Variants in STARD10 observed in about 807,000 individuals in gnomAD.
STARD10 encodes StAR related lipid transfer domain containing 10.
STARD10 carries 24 observed loss-of-function variants against 36.0 expected under a neutral mutation model. The observed-to-expected ratio is 0.67, with a 90% CI of 0.48 to 0.94. The LOEUF (loss-of-function observed/expected upper bound fraction) is 0.94, where lower values mean the gene tolerates loss of function less well. Ranked by LOEUF, STARD10 falls within the 40% of genes least tolerant of loss-of-function variation. The probability of loss-of-function intolerance (pLI) is 0.00; values close to 1 mark genes in which losing one functional copy is unlikely to be tolerated. For missense variants in STARD10, 335 were observed against 396.6 expected, an observed-to-expected ratio of 0.84 and a Z score of 1.32; for synonymous variants, 156 against 161.9, an observed-to-expected ratio of 0.96 and a Z score of 0.28.
intron 2 of STARD10, among the ~76,000 whole-genome samples, chr11:72,775,809 A>G (rs1400003227): frequency 6.6e-6 from 1 of 152,130 alleles, no homozygotes; most frequent in Non-Finnish European, 1.5e-5. Context: ...TGAATGAATG[A>G]AGTCTCTGAA....
chr11:72,759,466 G>A, intron 2 of STARD10, 85 bp from the exon 3 acceptor site: 4 of 1,526,974 alleles, frequency 2.6e-6, no homozygotes, highest in South Asian at 2.3e-5. Context: ...GGCAGAGGGG[G>A]AGGAAGAGAA....
chr11:72,780,728 C>T, intron 2 of STARD10: 1 of 556,140 alleles, frequency 1.8e-6, no homozygotes, highest in South Asian at 2.0e-5. Flanking sequence ...CAGGCAGGGG[C>T]ATGCAGAAGC....
At chr11:72,787,289 T>C (rs1054700752) in intron 1 of STARD10, among the ~76,000 whole-genome samples, 1 of 152,158 alleles carries the variant, frequency 6.6e-6, no homozygotes, top group African/African-American at 2.4e-5. Context: ...CTCTGATCCC[T>C]GCACCTCTGA....
intron 2 of STARD10, among the ~76,000 whole-genome samples, chr11:72,764,152 T>A (rs919849460): frequency 1.3e-5 from 2 of 152,210 alleles, no homozygotes; most frequent in Non-Finnish European, 2.9e-5. Context: ...CTTCCCAGGT[T>A]AGAATCCAAC....
intron 2 of STARD10, among the ~76,000 whole-genome samples, chr11:72,777,596 C>G (rs1858942680): frequency 6.6e-6 from 1 of 152,246 alleles, no homozygotes; most frequent in African/African-American, 2.4e-5. Context: ...GGGACAGGGA[C>G]TGAACTGTCA....
intron 1 of STARD10, among the ~76,000 whole-genome samples, chr11:72,792,427 G>T (rs190984033): frequency 6.6e-6 from 1 of 152,132 alleles, no homozygotes; most frequent in Non-Finnish European, 1.5e-5. Flanking sequence ...TGCCTGGGGA[G>T]GCCCAATCTG....
Position 72,786,213 on chromosome 11 carries a change from G to A in STARD10, c.-113-4919C>T, listed in dbSNP as rs1312944178. 3.9e-5 allele frequency among the ~76,000 whole-genome samples: 6 copies of A among 152,312 alleles called. 1 individual carries two copies. The highest frequency in any genetic ancestry group is 5.9e-5 in the Non-Finnish European group (4 of 68,018). Reference sequence around the variant, plus strand: ...CTAAAAATTTAAAAATTAGCTGGGCGTGGTGGTGCACACCTGAGGTCTCAG... The same window carrying A: ...CTAAAAATTTAAAAATTAGCTGGGCATGGTGGTGCACACCTGAGGTCTCAG... On this transcript the variant is annotated intron_variant, in intron 1 of 6. Transcript: ENST00000334805.
At chr11:72,774,734 G>C (rs372486814) in intron 2 of STARD10, among the ~76,000 whole-genome samples, 2 of 152,234 alleles carry the variant, frequency 1.3e-5, no homozygotes, top group South Asian at 4.1e-4. Context: ...CAGGTCTCCT[G>C]CTCCTCGGGA....
chr11:72,789,448 T>C (rs927934176), intron 1 of STARD10, among the ~76,000 whole-genome samples: 2 of 152,158 alleles, frequency 1.3e-5, no homozygotes, highest in Non-Finnish European at 2.9e-5. Flanking sequence ...GTAGCTGAAA[T>C]GACATCTTGT....
chr11:72,772,301 G>T (rs1315778322), intron 2 of STARD10, among the ~76,000 whole-genome samples: 1 of 150,468 alleles, frequency 6.6e-6, no homozygotes. Context: ...GCCATAGTGG[G>T]CATGGCTCTC....
intron 1 of STARD10, among the ~76,000 whole-genome samples, chr11:72,786,155 C>T (rs2135039873): frequency 6.6e-6 from 1 of 152,284 alleles, no homozygotes; most frequent in East Asian, 1.9e-4. Context: ...AGCTCAAGAC[C>T]TGGCTGGGTA....
chr11:72,757,954 C>T (rs1858665916), intron 4 of STARD10, 70 bp from the exon 5 acceptor site: 1 of 1,284,774 alleles, frequency 7.8e-7, no homozygotes, highest in Non-Finnish European at 1.1e-6. Flanking sequence ...TGAGTATACA[C>T]AAACGCGCAC....
Position 72,793,597 on chromosome 11 carries a change from A to G in STARD10, c.-836T>C, listed in dbSNP as rs951615723. On this transcript the variant is annotated 5_prime_UTR_variant, in exon 1 of 7. Coordinates refer to ENST00000334805, the MANE Select transcript of STARD10 (RefSeq NM_006645.3). ...CGATGAAGAGGGTCATTCCTTGTGA[A>G]TCATAAAAGAAAGGACCACAGAACG... 1 of 152,250 alleles carries G rather than the reference A, an allele frequency of 6.6e-6. No individual in the cohort carries two copies. The highest frequency in any genetic ancestry group is 6.5e-5 in the Admixed American group (1 of 15,288). The allele number at this position is 152,250 out of a possible 1,614,324, so 9.4% of individuals were successfully genotyped here.
intron 1 of STARD10, among the ~76,000 whole-genome samples, chr11:72,784,460 T>C (rs1942582075): frequency 6.6e-6 from 1 of 152,108 alleles, no homozygotes; most frequent in Non-Finnish European, 1.5e-5. Context: ...TATGTGCCAG[T>C]TTCACCCCCA....
intron 1 of STARD10, among the ~76,000 whole-genome samples, chr11:72,787,973 G>A (rs1480044673): frequency 6.6e-6 from 1 of 152,166 alleles, no homozygotes; most frequent in Non-Finnish European, 1.5e-5. Context: ...GAGGGCTCAG[G>A]GACACCGTTT....
intron 2 of STARD10, among the ~76,000 whole-genome samples, chr11:72,769,068 A>G (rs1432601991): frequency 6.6e-6 from 1 of 152,206 alleles, no homozygotes; most frequent in Non-Finnish European, 1.5e-5. Context: ...TACTTCCGCC[A>G]TCATCCTCTT....
In STARD10 at chr11:72,755,696, C is replaced by T; in HGVS notation, c.630+5G>A. On this transcript the variant is annotated splice_donor_5th_base_variant and intron_variant, in intron 6 of 6. Coordinates refer to ENST00000334805, the MANE Select transcript of STARD10 (RefSeq NM_006645.3). ...ACCCCTCCCCAAAATCCCAAGGCCA[C>T]TCACCTTGGGAGCCAGGAACTGAGA... is the stretch of plus-strand genomic sequence containing the variant. The T allele has an allele frequency of 6.2e-7, 1 of 1,613,806 alleles. No homozygotes were observed. Among genetic ancestry groups the T allele is most frequent in the Non-Finnish European group, 8.5e-7 (1 of 1,179,830 alleles).
At chr11:72,773,033 A>G (rs1858884930) in intron 2 of STARD10, among the ~76,000 whole-genome samples, 1 of 152,204 alleles carries the variant, frequency 6.6e-6, no homozygotes, top group Non-Finnish European at 1.5e-5. Flanking sequence ...CAGGTCTGAT[A>G]TCTCCAGGTG....
chr11:72,780,142 T>C (rs536949839), intron 2 of STARD10: 4 of 445,094 alleles, frequency 9.0e-6, no homozygotes, highest in East Asian at 7.1e-5. Context: ...GGGGCAGCTA[T>C]TGAGGCCCTT....
Sources: gnomAD v4.1 joint callset for allele counts (sites outside exome capture counted in the v4.1 genomes callset) on GRCh38, gnomAD v4.1.1 for gene constraint, MANE v1.5 for transcripts, NCBI Gene and HGNC (gene_info 2026-07-23, HGNC 2026-07-21) for gene names.